CYRIB: variants seen among roughly 807,000 people sequenced by gnomAD.
CYRIB encodes CYFIP related Rac1 interactor B, also known as CYFIP-related Rac1 interactor B.
In CYRIB, 8 loss-of-function variants were observed where a neutral mutation model predicts 44.2. That is an observed-to-expected ratio of 0.18 (90% CI 0.11 to 0.33). The LOEUF is 0.33. Ranked by LOEUF, CYRIB falls within the 10% of genes least tolerant of loss-of-function variation. CYRIB has a pLI of 1.00. For missense variants in CYRIB, 185 were observed against 382.8 expected (o/e 0.48, Z 4.31); for synonymous variants, 131 against 127.2 (o/e 1.03, Z -0.20).
intron 1 of CYRIB, among the ~76,000 whole-genome samples, chr8:129,988,179 T>G (rs766628781): frequency 5.9e-5 from 9 of 152,194 alleles, no homozygotes; most frequent in Non-Finnish European, 8.8e-5. Flanking sequence ...CGTACGAAAC[T>G]GCTACGTGAT....
intron 1 of CYRIB, among the ~76,000 whole-genome samples, chr8:129,910,246 C>T (rs1173803080): frequency 1.3e-5 from 2 of 152,246 alleles, no homozygotes; most frequent in Admixed American, 1.3e-4. Flanking sequence ...ATGTCTGATA[C>T]ACCCACAGGT....
intron 2 of CYRIB, among the ~76,000 whole-genome samples, chr8:129,959,803 A>G (rs2095130778): frequency 6.6e-6 from 1 of 152,144 alleles, no homozygotes; most frequent in East Asian, 1.9e-4. Context: ...GTATTATCCC[A>G]TTTCCCACCA....
chr8:129,935,681 C>T (rs772254520), intron 1 of CYRIB, among the ~76,000 whole-genome samples: 1 of 152,064 alleles, frequency 6.6e-6, no homozygotes, highest in Non-Finnish European at 1.5e-5. Context: ...TAAAATATAC[C>T]AAGAAGAGAT....
intron 1 of CYRIB, among the ~76,000 whole-genome samples, chr8:129,977,232 C>T (rs562285771): frequency 9.9e-4 from 150 of 152,270 alleles, no homozygotes; most frequent in Admixed American, 1.6e-3. Context: ...TTGTGCCAGA[C>T]AGAGAAGGCA....
intron 2 of CYRIB, among the ~76,000 whole-genome samples, chr8:129,950,507 T>C (rs1374507329): frequency 6.6e-6 from 1 of 151,590 alleles, no homozygotes; most frequent in African/African-American, 2.4e-5. Flanking sequence ...GAGGTGGAGG[T>C]TGCAGTGAGA....
chr8:129,870,211 C>T (rs2056533073), intron 4 of CYRIB, among the ~76,000 whole-genome samples: 2 of 151,940 alleles, frequency 1.3e-5, no homozygotes, highest in Non-Finnish European at 2.9e-5. Context: ...TCACTTGAGG[C>T]CAGGAGTTCA....
At chr8:129,954,697 C>T (rs2094695138) in intron 2 of CYRIB, among the ~76,000 whole-genome samples, 1 of 152,150 alleles carries the variant, frequency 6.6e-6, no homozygotes, top group Admixed American at 6.5e-5. Flanking sequence ...GGGGCACGAT[C>T]CCCCAGTCAT....
At chr8:129,988,246 T>G (rs1303080423) in intron 1 of CYRIB, among the ~76,000 whole-genome samples, 1 of 152,148 alleles carries the variant, frequency 6.6e-6, no homozygotes, top group Non-Finnish European at 1.5e-5. Context: ...CCAGGGCAGG[T>G]GTCTTCCGGC....
At chr8:129,906,940 T>C (rs2075712140) in intron 1 of CYRIB, among the ~76,000 whole-genome samples, 1 of 152,146 alleles carries the variant, frequency 6.6e-6, no homozygotes, top group Admixed American at 6.5e-5. Flanking sequence ...CATTAAAAAG[T>C]CAGGAAACGA....
At chr8:129,842,366 C>T (rs2036813375) in intron 11 of CYRIB, among the ~76,000 whole-genome samples, 161 bp from the exon 14 acceptor site, 1 of 152,224 alleles carries the variant, frequency 6.6e-6, no homozygotes, top group Admixed American at 6.5e-5. Context: ...CACAGCCTGT[C>T]ATCCTCACCC....
At chr8:129,905,791 C>G (rs2075007627) in intron 1 of CYRIB, among the ~76,000 whole-genome samples, 1 of 152,028 alleles carries the variant, frequency 6.6e-6, no homozygotes, top group Non-Finnish European at 1.5e-5. Flanking sequence ...CTTAATAAAT[C>G]AAGACACAAT....
chr8:129,948,123 T>G (rs1289392927), intron 2 of CYRIB, among the ~76,000 whole-genome samples: 1 of 152,176 alleles, frequency 6.6e-6, no homozygotes, highest in East Asian at 1.9e-4. Context: ...GAAGCAAAAT[T>G]GTTTGCAGCC....
At chr8:129,892,261 A>G (rs1159112471) in intron 2 of CYRIB, among the ~76,000 whole-genome samples, 4 of 152,232 alleles carry the variant, frequency 2.6e-5, no homozygotes, top group African/African-American at 9.6e-5. Flanking sequence ...GAAATATGCA[A>G]AACAACTCAA....
At chr8:129,876,694 C>T (rs1042286647) in intron 3 of CYRIB, among the ~76,000 whole-genome samples, 1 of 152,190 alleles carries the variant, frequency 6.6e-6, no homozygotes, top group African/African-American at 2.4e-5. Context: ...AGGTAATCTG[C>T]ATGAATTATT....
chr8:129,932,371 G>A (rs987520589), intron 1 of CYRIB, among the ~76,000 whole-genome samples: 1 of 152,118 alleles, frequency 6.6e-6, no homozygotes, highest in African/African-American at 2.4e-5. Context: ...CTTACTGTCT[G>A]TTCAGTATAA....
chr8:129,973,861 CCTTT>C (rs1267893432), intron 1 of CYRIB, among the ~76,000 whole-genome samples: 1 of 152,154 alleles, frequency 6.6e-6, no homozygotes, highest in East Asian at 1.9e-4. Flanking sequence ...CCAACTCCCT[CCTTT>C]CTCCCACCCA....
chr8:129,888,835 G>A (rs1285585185), intron 2 of CYRIB, among the ~76,000 whole-genome samples: 12 of 152,208 alleles, frequency 7.9e-5, no homozygotes, highest in African/African-American at 2.2e-4. Context: ...GTTCATGCCT[G>A]TAATCCCAGC....
intron 10 of CYRIB, among the ~76,000 whole-genome samples, chr8:129,847,539 A>T (rs2040790919): frequency 6.6e-6 from 1 of 152,222 alleles, no homozygotes; most frequent in South Asian, 2.1e-4. Context: ...TCAGGTAGAG[A>T]AACCTCACAG....
chr8:129,879,359 A>C, intron 3 of CYRIB, 30 bp downstream of exon 5: 1 of 1,485,978 alleles, frequency 6.7e-7, no homozygotes. Context: ...CTGCAGGCAA[A>C]GAGAAATAGA....
Sources: allele counts gnomAD v4.1 joint callset (sites outside exome capture counted in the v4.1 genomes callset), GRCh38; gene constraint gnomAD v4.1.1; transcripts MANE v1.5; gene names NCBI Gene and HGNC (gene_info 2026-07-23, HGNC 2026-07-21).